PPARGC1A: variants seen among roughly 807,000 people sequenced by gnomAD.
The protein encoded by PPARGC1A is PPARG coactivator 1 alpha.
Under a neutral mutation model 88.7 loss-of-function variants are expected in PPARGC1A, and 25 were observed. The observed-to-expected ratio is 0.28, with a 90% confidence interval of 0.21 to 0.39. The LOEUF (loss-of-function observed/expected upper bound fraction) is 0.39. Ranked by LOEUF, PPARGC1A falls within the 10% of genes least tolerant of loss-of-function variation. PPARGC1A has a pLI of 1.00. For synonymous variants in PPARGC1A, 363 were observed against 355.6 expected (o/e 1.02, Z -0.24); for missense variants, 880 against 968.7 (o/e 0.91, Z 1.22).
intron 1 of PPARGC1A, among the ~76,000 whole-genome samples, chr4:23,895,986 A>G (rs5010572): frequency 7.7e-3 from 324 of 41,898 alleles, no homozygotes; most frequent in African/African-American, 0.04. Context: ...GTGTGTATAT[A>G]TATATACACA....
At chr4:23,798,026 G>C in intron 12 of PPARGC1A, among the ~76,000 whole-genome samples, 1 of 151,840 alleles carries the variant, frequency 6.6e-6, no homozygotes, top group East Asian at 1.9e-4. Flanking sequence ...GCTCATCCTG[G>C]CTCAAAAGCT....
the PPARGC1A span, among the ~76,000 whole-genome samples, chr4:24,289,617 G>C: frequency 6.6e-6 from 1 of 152,118 alleles, no homozygotes; most frequent in Non-Finnish European, 1.5e-5. Context: ...CTTCTCACTA[G>C]TGATTCCTCA....
At chr4:23,950,102 G>A in the PPARGC1A span, among the ~76,000 whole-genome samples, 83 of 152,128 alleles carry the variant, frequency 5.5e-4, 1 homozygote, top group Non-Finnish European at 2.6e-4. Context: ...ACACTTCATC[G>A]GCAAATTGAC....
At chr4:24,376,566 C>T in the PPARGC1A span, among the ~76,000 whole-genome samples, 1 of 152,168 alleles carries the variant, frequency 6.6e-6, no homozygotes, top group Non-Finnish European at 1.5e-5. Context: ...AAACGAATTG[C>T]AAGAGAGTTT....
At chr4:23,913,327 C>T in the PPARGC1A span, among the ~76,000 whole-genome samples, 1 of 145,636 alleles carries the variant, frequency 6.9e-6, no homozygotes, top group Admixed American at 7.0e-5. Context: ...ATCTGTTTCT[C>T]TGGAGAACCC....
chr4:24,471,017 CG>C, the PPARGC1A span, among the ~76,000 whole-genome samples: 1 of 151,274 alleles, frequency 6.6e-6, no homozygotes, highest in Non-Finnish European at 1.5e-5. This position sits in a 1 kb window ranked among gnomAD's most constrained non-coding sequence, Gnocchi z 5.4. Flanking sequence ...GCCCCGGGCC[CG>C]GGAGGGAGCG....
the PPARGC1A span, among the ~76,000 whole-genome samples, chr4:24,100,314 G>T: frequency 6.6e-6 from 1 of 152,270 alleles, no homozygotes; most frequent in African/African-American, 2.4e-5. Context: ...ATTTGGAACA[G>T]AATGACTGAT....
At chr4:24,468,878 G>C in the PPARGC1A span, among the ~76,000 whole-genome samples, 1 of 152,124 alleles carries the variant, frequency 6.6e-6, no homozygotes, top group Non-Finnish European at 1.5e-5. Context: ...GAGCTTCTTA[G>C]GGAGACATGC....
the PPARGC1A span, among the ~76,000 whole-genome samples, chr4:24,123,463 T>C: frequency 1.3e-5 from 2 of 152,108 alleles, no homozygotes; most frequent in East Asian, 3.9e-4. Flanking sequence ...TTGTGAATAG[T>C]ATGGATAGTA....
Position 23,795,804 on chromosome 4 carries a change from C to A in PPARGC1A, c.*18G>T. On this transcript the variant is annotated 3_prime_UTR_variant, in exon 13 of 13. Coordinates refer to ENST00000264867, the MANE Select transcript of PPARGC1A (RefSeq NM_013261.5). Reference sequence around the variant, plus strand: ...GAGGTATTCGCCATCCCTCTGTCATCCTCAGCTAGGGAACATGTTACCTGC... The same window carrying A: ...GAGGTATTCGCCATCCCTCTGTCATACTCAGCTAGGGAACATGTTACCTGC... 1 of 1,583,746 alleles carries A rather than the reference C, an allele frequency of 6.3e-7. No homozygotes were observed. The highest frequency in any genetic ancestry group is 1.4e-5 in the African/African-American group (1 of 73,418).
intron 2 of PPARGC1A, among the ~76,000 whole-genome samples, chr4:23,874,074 G>A (rs1205779972): frequency 6.6e-6 from 1 of 150,652 alleles, no homozygotes; most frequent in Admixed American, 6.6e-5. Context: ...CAACAATTCT[G>A]GGGGAAAAAA....
At chr4:24,027,215 GTGTCTGTGTGTC>G in the PPARGC1A span, among the ~76,000 whole-genome samples, 2 of 149,536 alleles carry the variant, frequency 1.3e-5, no homozygotes, top group African/African-American at 2.5e-5. Flanking sequence ...GTGTGTGTGT[GTGTCTGTGTGTC>G]TGTGTGTGTC....
chr4:24,373,846 A>G, the PPARGC1A span, among the ~76,000 whole-genome samples: 1 of 152,204 alleles, frequency 6.6e-6, no homozygotes, highest in Non-Finnish European at 1.5e-5. Context: ...CTGTGTTGAC[A>G]CTGGCTTTTC....
upstream of PPARGC1A, among the ~76,000 whole-genome samples, chr4:23,890,602 C>CTTTTT (rs56855205): frequency 4.7e-4 from 49 of 103,242 alleles, 1 homozygote; most frequent in East Asian, 4.0e-3. Flanking sequence ...GCAAACGGGG[C>CTTTTT]TTTTTTTTTT....
chr4:24,384,140 A>G, the PPARGC1A span, among the ~76,000 whole-genome samples: 1 of 152,214 alleles, frequency 6.6e-6, no homozygotes, highest in African/African-American at 2.4e-5. Context: ...ACTAAGCTTC[A>G]TAAGTGAAGG....
the PPARGC1A span, among the ~76,000 whole-genome samples, chr4:24,345,969 G>A: frequency 6.6e-6 from 1 of 152,080 alleles, no homozygotes; most frequent in African/African-American, 2.4e-5. Flanking sequence ...TGCTGATTTT[G>A]CTGAGAGTTT....
the PPARGC1A span, among the ~76,000 whole-genome samples, chr4:24,017,191 T>G: frequency 6.6e-6 from 1 of 152,122 alleles, no homozygotes; most frequent in African/African-American, 2.4e-5. Context: ...GTCCAATGCA[T>G]TATGTAAAAT....
the PPARGC1A span, among the ~76,000 whole-genome samples, chr4:23,941,668 T>C: frequency 2.0e-5 from 3 of 152,166 alleles, no homozygotes; most frequent in Non-Finnish European, 4.4e-5. Flanking sequence ...GGAATTCTGA[T>C]GTGAGATCGT....
the PPARGC1A span, among the ~76,000 whole-genome samples, chr4:24,107,294 A>G: frequency 6.6e-6 from 1 of 152,120 alleles, no homozygotes. Context: ...TTGTGCATTC[A>G]TTTGTTGAAG....
Sources: gnomAD v4.1 joint callset for allele counts (sites outside exome capture counted in the v4.1 genomes callset) on GRCh38, gnomAD v4.1.1 for gene constraint, Gnocchi (gnomAD v3.1) non-coding constraint, MANE v1.5 for transcripts, NCBI Gene and HGNC (gene_info 2026-07-23, HGNC 2026-07-21) for gene names.